The following POTEC variants were observed in gnomAD, a reference collection of about 807,000 sequenced individuals.
POTEC encodes the protein POTE ankyrin domain family member C.
Under a neutral mutation model 62.0 loss-of-function variants are expected in POTEC, and 35 were observed. The observed-to-expected ratio is 0.56, with a 90% CI of 0.43 to 0.75. The LOEUF (loss-of-function observed/expected upper bound fraction) is 0.75. Ranked by LOEUF, POTEC falls within the 30% of genes least tolerant of loss-of-function variation. The pLI is 0.00. For missense variants in POTEC, 472 were observed against 655.9 expected (o/e 0.72, Z 3.06); for synonymous variants, 156 against 221.5 (o/e 0.70, Z 2.62).
At chr18:14,532,140 C>T (rs1905543807) in intron 5 of POTEC, among the ~76,000 whole-genome samples, 1 of 151,874 alleles carries the variant, frequency 6.6e-6, no homozygotes, top group Non-Finnish European at 1.5e-5. Flanking sequence ...TCTCTTTCTG[C>T]CACATTATTT....
intron 9 of POTEC, among the ~76,000 whole-genome samples, chr18:14,519,562 C>T (rs1170684607): frequency 1.3e-5 from 2 of 151,924 alleles, no homozygotes; most frequent in Admixed American, 6.6e-5. Flanking sequence ...ACTAAAAATA[C>T]AAAAATCAGC....
At chr18:14,537,369 A>G (rs1009317001) in intron 3 of POTEC, among the ~76,000 whole-genome samples, 7 of 151,978 alleles carry the variant, frequency 4.6e-5, no homozygotes, top group Admixed American at 1.3e-4. Flanking sequence ...TGAGAGATAC[A>G]TCACCTCATA....
At position 14,530,911 on chromosome 18, in the gene POTEC, G is replaced by T. The variant is rs186970469; in HGVS notation, c.1056-358C>A. On this transcript the variant is annotated intron_variant, in intron 5 of 10. Transcript: ENST00000358970. ...TAGGCTCAATGTCTTCTTCTACAAA[G>T]TGAGGACTTTGCTGCCTTATTTCAC... Among the ~76,000 whole-genome samples the T allele has an allele frequency of 5.8e-3, 886 of 152,184 alleles. 7 individuals are homozygous for T. The highest frequency in any genetic ancestry group is 0.017 in the African/African-American group (696 of 41,530).
chr18:14,528,385 A>G (rs1247970113), intron 6 of POTEC, among the ~76,000 whole-genome samples: 1 of 151,988 alleles, frequency 6.6e-6, no homozygotes, highest in East Asian at 1.9e-4. Context: ...TCAGAAAGAG[A>G]AATGTTTATT....
Position 14,543,112 on chromosome 18 carries a change from G to A in POTEC, c.35C>T (p.Ser12Phe). 2 of 1,613,970 alleles carry A rather than the reference G, an allele frequency of 1.2e-6. No individual in the cohort carries two copies. Among genetic ancestry groups the A allele is most frequent in the Non-Finnish European group, 8.5e-7 (1 of 1,179,870 alleles). ...VTEVCSMPAA[S>F]AVKKPFDLRS... is the part of the protein sequence containing the mutation. ...GAGATCGAATGGCTTCTTCACAGCA[G>A]AGGCAGCGGGCATTGAACAAACCTC... is the stretch of plus-strand genomic sequence containing the variant. The change falls in exon 1 of 11, where the codon TCT becomes TTT. Residue 12 changes from serine (S) to phenylalanine (F), a missense_variant. Ser to Phe is a radical substitution (Grantham distance 155, BLOSUM62 -2). Around this residue, in one of 5 missense-constraint regions of POTEC, gnomAD observed 257 missense variants for 250.7 expected, o/e 1.03. Coordinates refer to ENST00000358970, the MANE Select transcript of POTEC (RefSeq NM_001137671.2).
In POTEC at chr18:14,509,386, C is replaced by G. The variant is rs1355505438; in HGVS notation, c.*2512G>C. On this transcript the variant is annotated 3_prime_UTR_variant, in exon 11 of 11. Transcript: ENST00000358970. The stretch of plus-strand genomic sequence containing the variant: ...CATTACCTCAAGGGTGAGATGCTAG[C>G]AGGGGTGGGGTTTTTGGTTCTGTGC... 2.0e-5 allele frequency: 3 copies of G among 151,856 alleles called. No individual in the cohort carries two copies. The East Asian group carries it at 5.9e-4, about 30-fold the overall frequency. The allele number at this position is 151,856 out of a possible 1,614,324, so 9.4% of individuals were successfully genotyped here.
chr18:14,534,900 C>G lies in POTEC; in HGVS notation c.917+1G>C, dbSNP rs1271584010. On this transcript the variant is annotated splice_donor_variant, in intron 4 of 10. Coordinates refer to ENST00000358970, the MANE Select transcript of POTEC (RefSeq NM_001137671.2). LOFTEE classifies it high-confidence loss of function. ...ACACAGATTAAAAGAAATAACCATACCTTCCATATCTATCAAGTGCATTTA... is the reference window on the plus strand; with the variant it reads ...ACACAGATTAAAAGAAATAACCATAGCTTCCATATCTATCAAGTGCATTTA... The G allele has an allele frequency of 1.9e-6, 3 of 1,566,798 alleles. No homozygotes were observed. In the East Asian group the frequency reaches 6.9e-5, roughly 36 times the overall value.
Position 14,543,274 on chromosome 18 carries a change from T to G in POTEC, c.-128A>C. ...GAGAAAGGTCAATCCCAGCCAAAACTTGCCAACCCCAGCAAGGGAGCCCAG... is the reference window on the plus strand; with the variant it reads ...GAGAAAGGTCAATCCCAGCCAAAACGTGCCAACCCCAGCAAGGGAGCCCAG... On this transcript the variant is annotated 5_prime_UTR_variant, in exon 1 of 11. Coordinates refer to ENST00000358970, the MANE Select transcript of POTEC (RefSeq NM_001137671.2). 1.4e-6 allele frequency: 2 copies of G among 1,430,080 alleles called. No homozygotes were observed. Among genetic ancestry groups the G allele is most frequent in the South Asian group, 1.4e-5 (1 of 73,376 alleles). 88.6% of individuals were successfully genotyped at this position (1,430,080 alleles called of 1,614,324 possible).
intron 4 of POTEC, among the ~76,000 whole-genome samples, chr18:14,533,681 A>G (rs572253325): frequency 7.3e-4 from 111 of 152,326 alleles, no homozygotes; most frequent in African/African-American, 2.6e-3. Context: ...CATGTGCTAC[A>G]CACTGAATTA....
Position 14,538,129 on chromosome 18 carries a change from G to A in POTEC, c.636+6C>T. The A allele has an allele frequency of 6.2e-7, 1 of 1,602,058 alleles. No homozygotes were observed. The highest frequency in any genetic ancestry group is 8.5e-7 in the Non-Finnish European group (1 of 1,173,782). ...TCTCACGCTGATATAGTTGACTACT[G>A]CATACCTTTATCAGAGCTGTCCTTT... is the stretch of plus-strand genomic sequence containing the variant. On this transcript the variant is annotated splice_donor_region_variant and intron_variant, in intron 2 of 10. Coordinates refer to ENST00000358970, the MANE Select transcript of POTEC (RefSeq NM_001137671.2).
chr18:14,522,732 C>T (rs1444160350), intron 8 of POTEC, among the ~76,000 whole-genome samples: 1 of 151,748 alleles, frequency 6.6e-6, no homozygotes, highest in African/African-American at 2.4e-5. Flanking sequence ...TCTTCAGAAT[C>T]TTATATATGA....
chr18:14,520,557 C>A (rs908517957), intron 9 of POTEC, among the ~76,000 whole-genome samples: 6 of 151,952 alleles, frequency 3.9e-5, no homozygotes, highest in African/African-American at 1.5e-4. Context: ...TCTTATTTTA[C>A]AAATGAAATT....
At chr18:14,522,574 G>A (rs150486799) in intron 8 of POTEC, among the ~76,000 whole-genome samples, 154 bp from the exon 9 acceptor site, 1,561 of 151,942 alleles carry the variant, frequency 0.01, 30 homozygotes, top group South Asian at 0.058. Flanking sequence ...AACTATTACC[G>A]TATAATTTTA....
At chr18:14,538,467 T>C (rs1422936141) in intron 1 of POTEC, among the ~76,000 whole-genome samples, 1 of 152,194 alleles carries the variant, frequency 6.6e-6, no homozygotes, top group Non-Finnish European at 1.5e-5. Context: ...TTGGATGACA[T>C]TCAACTTGGG....
intron 4 of POTEC, 107 bp from the exon 5 acceptor site, chr18:14,533,305 C>T (rs1905591775): frequency 6.5e-7 from 1 of 1,539,082 alleles, no homozygotes; most frequent in African/African-American, 1.4e-5. Flanking sequence ...CATGCAGAAT[C>T]AAACATTTAC....
At chr18:14,515,213 T>C (rs1174746223) in intron 9 of POTEC, among the ~76,000 whole-genome samples, 1 of 152,194 alleles carries the variant, frequency 6.6e-6, no homozygotes, top group East Asian at 1.9e-4. Flanking sequence ...CTGCCATTCA[T>C]GTAGAACCAC....
In POTEC at chr18:14,520,349, A is replaced by G. The variant is rs1910278617; in HGVS notation, c.1409+1905T>C. Among the ~76,000 whole-genome samples the G allele has an allele frequency of 3.3e-5, 5 of 150,914 alleles. No homozygotes were observed. In the South Asian group the frequency reaches 8.4e-4, roughly 25 times the overall value. On this transcript the variant is annotated intron_variant, in intron 9 of 10. Coordinates refer to ENST00000358970, the MANE Select transcript of POTEC (RefSeq NM_001137671.2). ...GTTGCCTTGACCATTTCTAGATTAC[A>G]GAAGCTGATTATTATTTTGTTCATG... is the stretch of plus-strand genomic sequence containing the variant.
At chr18:14,512,163 CA>C (rs1910026891) in intron 10 of POTEC, among the ~76,000 whole-genome samples, 170 bp from the exon 11 acceptor site, 1 of 151,064 alleles carries the variant, frequency 6.6e-6, no homozygotes, top group South Asian at 2.1e-4. Context: ...GTGTAAATTC[CA>C]AAAAGTTGAA....
Position 14,511,282 on chromosome 18 carries a change from T to G in POTEC, c.*616A>C, listed in dbSNP as rs1910000026. 1 of 176,736 alleles carries G rather than the reference T, an allele frequency of 5.7e-6. No individual in the cohort carries two copies. Among genetic ancestry groups the G allele is most frequent in the Admixed American group, 5.6e-5 (1 of 17,938 alleles). The allele number at this position is 176,736 out of a possible 1,614,324, so 10.9% of individuals were successfully genotyped here. Reference sequence around the variant, plus strand: ...ACGAGGAACAGGATCAGAGGCCTGCTTACAGAAGCATTCTGGACATGATTT... The same window carrying G: ...ACGAGGAACAGGATCAGAGGCCTGCGTACAGAAGCATTCTGGACATGATTT... On this transcript the variant is annotated 3_prime_UTR_variant, in exon 11 of 11. Transcript: ENST00000358970.
Sources: allele counts gnomAD v4.1 joint callset (sites outside exome capture counted in the v4.1 genomes callset), GRCh38; gene constraint gnomAD v4.1.1; regional missense constraint gnomAD v4.1.1; transcripts MANE v1.5; gene names NCBI Gene and HGNC (gene_info 2026-07-23, HGNC 2026-07-21).